TBC1D9: variants seen among roughly 807,000 people sequenced by gnomAD.
The protein encoded by TBC1D9 is TBC1 domain family member 9A.
TBC1D9 carries 63 observed loss-of-function variants against 132.0 expected under a neutral mutation model. The ratio of observed to expected loss-of-function variants is 0.48; its 90% CI spans 0.39 to 0.59. The LOEUF (loss-of-function observed/expected upper bound fraction) is 0.59, where lower values mean the gene tolerates loss of function less well. TBC1D9 is among the 20% of genes least tolerant of loss of function. The probability of loss-of-function intolerance (pLI) is 0.00; values close to 1 mark genes in which losing one functional copy is unlikely to be tolerated. For missense variants in TBC1D9, 1,261 were observed against 1,592.7 expected (o/e 0.79, Z 3.54); for synonymous variants, 610 against 609.9 (o/e 1.00, Z 0.00).
At chr4:140,735,697 C>A (rs1738663125) in intron 1 of TBC1D9, among the ~76,000 whole-genome samples, 1 of 152,158 alleles carries the variant, frequency 6.6e-6, no homozygotes, top group Non-Finnish European at 1.5e-5. Context: ...GATGACAGAG[C>A]AAAACCCTGT....
chr4:140,645,521 C>A, intron 13 of TBC1D9: 2 of 358,808 alleles, frequency 5.6e-6, no homozygotes, highest in Non-Finnish European at 1.1e-5. Context: ...TCCTCTCTTG[C>A]GAGAGCCTCT....
chr4:140,755,725 CAG>C lies in TBC1D9; in HGVS notation c.130+189_130+190del, dbSNP rs1017176398. On this transcript the variant is annotated intron_variant, in intron 1 of 20. Coordinates refer to ENST00000442267, the MANE Select transcript of TBC1D9 (RefSeq NM_015130.3). ...AGTACGCTGAGGGCCCCAAGCCTGA[CAG>C]AGTCAAAAAAAGAAGCATCTCTGCC... Among the ~76,000 whole-genome samples the C allele has an allele frequency of 3.3e-5, 5 of 152,310 alleles. 1 individual carries two copies.
chr4:140,721,825 A>G (rs1738427609), intron 1 of TBC1D9, among the ~76,000 whole-genome samples: 1 of 152,146 alleles, frequency 6.6e-6, no homozygotes, highest in Non-Finnish European at 1.5e-5. Context: ...TTCTCCTGTG[A>G]CTGAATGCCC....
At chr4:140,683,351 C>T (rs1737733477) in intron 3 of TBC1D9, among the ~76,000 whole-genome samples, 1 of 152,146 alleles carries the variant, frequency 6.6e-6, no homozygotes, top group Non-Finnish European at 1.5e-5. Flanking sequence ...TACCAACTTT[C>T]TCAACACTAA....
chr4:140,674,355 T>G lies in TBC1D9; in HGVS notation c.1059+2539A>C, dbSNP rs564510206. ...AGCTAGATTTGTCAGTTGCCTAACA[T>G]TTTTCATTCTTTTTGATTCACAGTT... On this transcript the variant is annotated intron_variant, in intron 6 of 20. Transcript: ENST00000442267. Among the ~76,000 whole-genome samples the G allele has an allele frequency of 7.3e-4, 111 of 152,336 alleles. 1 individual carries two copies. Among genetic ancestry groups the G allele is most frequent in the South Asian group, 3.7e-3 (18 of 4,832 alleles).
intron 2 of TBC1D9, among the ~76,000 whole-genome samples, chr4:140,700,460 C>T (rs1391658843): frequency 6.8e-6 from 1 of 146,782 alleles, no homozygotes; most frequent in Non-Finnish European, 1.5e-5. Flanking sequence ...AAAAAAAAAA[C>T]AAAAAAAAAC....
Position 140,715,607 on chromosome 4 carries a change from A to G in TBC1D9, c.131-13993T>C, listed in dbSNP as rs17006373. 2.8e-3 allele frequency among the ~76,000 whole-genome samples: 425 copies of G among 152,340 alleles called. 5 individuals carry two copies. In the East Asian group the frequency reaches 0.03, roughly 11 times the overall value. The stretch of plus-strand genomic sequence containing the variant: ...AAGGTGCAAAGGCATTAACAGCAAT[A>G]ATGTTTTCCAGTCTTGCATCCAAAT... On this transcript the variant is annotated intron_variant, in intron 1 of 20. Coordinates refer to ENST00000442267, the MANE Select transcript of TBC1D9 (RefSeq NM_015130.3).
At chr4:140,722,369 G>A (rs1215446129) in intron 1 of TBC1D9, among the ~76,000 whole-genome samples, 3 of 152,190 alleles carry the variant, frequency 2.0e-5, no homozygotes, top group African/African-American at 7.2e-5. Flanking sequence ...TGGTACTGCA[G>A]ATAGGCAGGT....
At chr4:140,709,111 T>C (rs1407464130) in intron 1 of TBC1D9, among the ~76,000 whole-genome samples, 3 of 152,020 alleles carry the variant, frequency 2.0e-5, no homozygotes, top group Admixed American at 2.0e-4. Context: ...TCCACAACTC[T>C]TTCCTCTCAA....
Position 140,756,034 on chromosome 4 carries a change from G to C in TBC1D9, c.12C>G (p.Asn4Lys), listed in dbSNP as rs369903334. MWV[N>K]PEEVLLANAL... ...CGTTGGCCAGCAACACCTCCTCCGG[G>C]TTCACCCACATGGTCCTGGCTGCCG... is the stretch of plus-strand genomic sequence containing the variant. The change falls in exon 1 of 21, where the codon AAC becomes AAG. Residue 4 changes from asparagine to lysine, a missense_variant. Asn to Lys is a moderately conservative substitution (Grantham distance 94). This residue lies in a region of TBC1D9 where 550 missense variants were observed against 699.0 expected (regional missense o/e 0.79). Coordinates refer to ENST00000442267, the MANE Select transcript of TBC1D9 (RefSeq NM_015130.3). This position sits in a 1 kb window ranked among gnomAD's most constrained non-coding sequence, Gnocchi z 5.6. 7 of 1,608,066 alleles carry C rather than the reference G, an allele frequency of 4.4e-6. No homozygotes were observed. The highest frequency in any genetic ancestry group is 3.3e-5 in the South Asian group (3 of 90,684).
chr4:140,632,105 T>C (rs984423938), intron 16 of TBC1D9, among the ~76,000 whole-genome samples: 1 of 152,230 alleles, frequency 6.6e-6, no homozygotes, highest in Non-Finnish European at 1.5e-5. Flanking sequence ...TTCTCTATGC[T>C]GGACTTCAAG....
chr4:140,737,515 C>T (rs1415179339), intron 1 of TBC1D9, among the ~76,000 whole-genome samples: 2 of 151,726 alleles, frequency 1.3e-5, no homozygotes, highest in Non-Finnish European at 2.9e-5. Context: ...ATAGGGTCTT[C>T]CCCACAATAA....
intron 9 of TBC1D9, 135 bp from the exon 10 acceptor site, chr4:140,662,242 A>G: frequency 2.6e-6 from 2 of 783,780 alleles, no homozygotes; most frequent in South Asian, 3.1e-5. Context: ...GAAATCACAG[A>G]TGTGGTATGT....
intron 9 of TBC1D9, among the ~76,000 whole-genome samples, chr4:140,663,271 C>T (rs2111002734): frequency 6.6e-6 from 1 of 152,214 alleles, no homozygotes; most frequent in South Asian, 2.1e-4. Context: ...GTATACAAAT[C>T]ACCAACAGGT....
chr4:140,698,549 A>G (rs1209459385), intron 2 of TBC1D9, among the ~76,000 whole-genome samples: 1 of 152,086 alleles, frequency 6.6e-6, no homozygotes, highest in African/African-American at 2.4e-5. Context: ...GGAGTTCGAG[A>G]CCAGCCTGAC....
chr4:140,622,653 C>T lies in TBC1D9; in HGVS notation c.3343G>A (p.Ala1115Thr). ...TCCTCGCTGTCGGGGGCCAGGCTGG[C>T]CGGCAGGGGCTCAACAGACTCCACC... ...YVVESVEPLP[A>T]SLAPDSEEHS... is the part of the protein sequence containing the mutation. Residue 1115 changes from alanine (A) to threonine (T), a missense_variant, in exon 21 of 21, where the codon GCC becomes ACC. Transcript: ENST00000442267. The T allele has an allele frequency of 6.2e-7, 1 of 1,609,612 alleles. No homozygotes were observed. The highest frequency in any genetic ancestry group is 1.3e-5 in the African/African-American group (1 of 75,026).
At chr4:140,643,782 G>A in intron 13 of TBC1D9, 1 of 917,930 alleles carries the variant, frequency 1.1e-6, no homozygotes, top group Non-Finnish European at 1.7e-6. Context: ...GCACTCAGAG[G>A]GCTCGGTGCA....
chr4:140,705,351 C>A (rs1490324346), intron 1 of TBC1D9, among the ~76,000 whole-genome samples: 3 of 152,154 alleles, frequency 2.0e-5, no homozygotes, highest in Non-Finnish European at 4.4e-5. Flanking sequence ...AGATTACTTG[C>A]ACATTTTGCC....
intron 15 of TBC1D9, among the ~76,000 whole-genome samples, chr4:140,634,535 A>AT (rs1736847327): frequency 2.0e-5 from 3 of 152,278 alleles, no homozygotes; most frequent in African/African-American, 7.2e-5. Flanking sequence ...AGAGAAAGAA[A>AT]TTTTTTAGCT....
Sources: allele counts gnomAD v4.1 joint callset (sites outside exome capture counted in the v4.1 genomes callset), GRCh38; gene constraint gnomAD v4.1.1; regional missense constraint gnomAD v4.1.1; non-coding constraint Gnocchi (gnomAD v3.1); transcripts MANE v1.5; gene names NCBI Gene and HGNC (gene_info 2026-07-23, HGNC 2026-07-21).